Variants in DPYD observed in about 807,000 individuals in gnomAD.
DPYD encodes dihydropyrimidine dehydrogenase [NADP(+)].
In DPYD, 109 loss-of-function variants were observed where a neutral mutation model predicts 116.2. The ratio of observed to expected loss-of-function variants is 0.94; its 90% confidence interval spans 0.80 to 1.10. DPYD has a LOEUF of 1.10. DPYD is among the 50% of genes least tolerant of loss of function. The pLI is 0.00. For synonymous variants in DPYD, 440 were observed against 432.0 expected (o/e 1.02, Z -0.23); for missense variants, 1,302 against 1,254.5 (o/e 1.04, Z -0.57).
At chr1:97,413,090 G>C (rs949839109) in intron 14 of DPYD, among the ~76,000 whole-genome samples, 4 of 152,090 alleles carry the variant, frequency 2.6e-5, no homozygotes, top group Non-Finnish European at 5.9e-5. Flanking sequence ...AGAGTAAATG[G>C]TCCCTGGCCC....
chr1:97,774,975 A>T, intron 3 of DPYD: 1 of 330,698 alleles, frequency 3.0e-6, no homozygotes, highest in Non-Finnish European at 6.4e-6. Flanking sequence ...GCCAAACTGG[A>T]GTAGGGACAA....
intron 2 of DPYD, among the ~76,000 whole-genome samples, chr1:97,835,114 A>C (rs573392597): frequency 6.6e-6 from 1 of 152,208 alleles, no homozygotes; most frequent in South Asian, 2.1e-4. Flanking sequence ...GTCTAGGAGA[A>C]TCTTATATGA....
intron 16 of DPYD, among the ~76,000 whole-genome samples, chr1:97,352,342 T>C (rs1377285195): frequency 6.6e-6 from 1 of 152,234 alleles, no homozygotes; most frequent in South Asian, 2.1e-4. Flanking sequence ...TGAGGCCTGC[T>C]ACCTAATAGT....
intron 5 of DPYD, among the ~76,000 whole-genome samples, chr1:97,706,379 GTA>G (rs953679073): frequency 6.6e-6 from 1 of 151,774 alleles, no homozygotes; most frequent in African/African-American, 2.4e-5. Context: ...CTCCATAGTG[GTA>G]CATTTGAGTA....
chr1:97,164,205 G>T (rs1403997209), intron 20 of DPYD, among the ~76,000 whole-genome samples: 1 of 152,042 alleles, frequency 6.6e-6, no homozygotes, highest in Non-Finnish European at 1.5e-5. Flanking sequence ...ATGCAGAAAA[G>T]GTCTTTGATA....
chr1:97,285,832 T>C (rs948962423), intron 18 of DPYD, among the ~76,000 whole-genome samples: 2 of 152,092 alleles, frequency 1.3e-5, no homozygotes, highest in Non-Finnish European at 2.9e-5. Flanking sequence ...TATGTCTTCA[T>C]ATATTTTAGT....
intron 8 of DPYD, among the ~76,000 whole-genome samples, chr1:97,645,832 A>T (rs1483615534): frequency 2.0e-5 from 3 of 152,108 alleles, no homozygotes; most frequent in African/African-American, 7.2e-5. Flanking sequence ...AGTCTCCAAA[A>T]AACAATCTTT....
At chr1:97,571,506 T>G (rs1459664583) in intron 11 of DPYD, among the ~76,000 whole-genome samples, 9 of 151,882 alleles carry the variant, frequency 5.9e-5, no homozygotes. Flanking sequence ...GCATTTGGCA[T>G]GCAGTTCACT....
chr1:97,796,953 TTCTA>T (rs1323920471), intron 3 of DPYD: 1 of 152,102 alleles, frequency 6.6e-6, no homozygotes, highest in Non-Finnish European at 1.5e-5. Flanking sequence ...AGGGAAAAGC[TTCTA>T]TCTAAATACA....
At chr1:97,583,107 T>A (rs966010423) in intron 10 of DPYD, among the ~76,000 whole-genome samples, 1 of 152,072 alleles carries the variant, frequency 6.6e-6, no homozygotes, top group Non-Finnish European at 1.5e-5. Context: ...TAGCTGGGAC[T>A]ACAGGCGCCC....
intron 8 of DPYD, among the ~76,000 whole-genome samples, chr1:97,602,788 A>G (rs1410786113): frequency 1.3e-5 from 2 of 151,814 alleles, no homozygotes; most frequent in East Asian, 1.9e-4. Context: ...CCTTTGGACA[A>G]AAAAAAGAAG....
At chr1:97,787,847 T>C (rs764467005) in intron 3 of DPYD, among the ~76,000 whole-genome samples, 1 of 152,140 alleles carries the variant, frequency 6.6e-6, no homozygotes, top group Non-Finnish European at 1.5e-5. Flanking sequence ...AACTTCAACA[T>C]AAAGATCACT....
intron 3 of DPYD, among the ~76,000 whole-genome samples, chr1:97,785,956 G>C (rs575772081): frequency 4.6e-5 from 7 of 151,138 alleles, no homozygotes; most frequent in Admixed American, 2.0e-4. Flanking sequence ...GCCTCCCAAA[G>C]TGCTGGGATT....
chr1:97,593,356 C>G lies in DPYD; in HGVS notation c.990G>C (p.Ser330=). The part of the protein sequence containing the change: ...GMCACHSPLP[S]IRGVVIVLGA... ...CAAGTACAATCACGACTCCCCGTAT[C>G]GATGGCAATGGAGAGTGACAGGCGC... Residue 330 remains serine (S), a synonymous_variant, in exon 10 of 23, where the codon TCG becomes TCC. Transcript: ENST00000370192. 1 of 1,614,118 alleles carries G rather than the reference C, an allele frequency of 6.2e-7. No homozygotes were observed. Among genetic ancestry groups the G allele is most frequent in the Non-Finnish European group, 8.5e-7 (1 of 1,180,008 alleles).
chr1:97,600,470 A>G (rs1236390003), intron 8 of DPYD, among the ~76,000 whole-genome samples: 1 of 152,188 alleles, frequency 6.6e-6, no homozygotes, highest in East Asian at 1.9e-4. Flanking sequence ...ATTAAATCTT[A>G]TAAAATATCT....
Position 97,454,984 on chromosome 1 carries a change from G to C in DPYD, c.1741-4761C>G, listed in dbSNP as rs560416380. Among the ~76,000 whole-genome samples the C allele has an allele frequency of 4.6e-5, 7 of 151,952 alleles. No homozygotes were observed. The East Asian group carries it at 1.3e-3, about 29-fold the overall frequency. On this transcript the variant is annotated intron_variant, in intron 13 of 22. Transcript: ENST00000370192. ...ACATCTTGTTGAATGAAAAGGGCAA[G>C]TTCTAGAAAAATATATAGAATATGA...
intron 19 of DPYD, among the ~76,000 whole-genome samples, chr1:97,210,947 A>G (rs567687476): frequency 4.6e-5 from 7 of 152,294 alleles, no homozygotes; most frequent in Non-Finnish European, 1.0e-4. Context: ...AGCTTCTTGC[A>G]ACTGGAATCA....
At position 97,713,674 on chromosome 1, in the gene DPYD, G is replaced by C. The variant is rs138404750; in HGVS notation, c.483+7836C>G. ...ATCTTCAAAGATGTTACTTGTATTT[G>C]CATTCCAGACAGACACATTTTACCA... On this transcript the variant is annotated intron_variant, in intron 5 of 22. Transcript: ENST00000370192. Among the ~76,000 whole-genome samples the C allele has an allele frequency of 2.6e-5, 4 of 152,072 alleles. No homozygotes were observed. In the East Asian group the frequency reaches 7.7e-4, roughly 29 times the overall value.
At chr1:97,318,376 A>T (rs1385103901) in intron 16 of DPYD, among the ~76,000 whole-genome samples, 3 of 137,706 alleles carry the variant, frequency 2.2e-5, no homozygotes, top group Non-Finnish European at 3.3e-5. Flanking sequence ...AAATAAAAGG[A>T]TGGAGGAAGA....
Sources: gnomAD v4.1 joint callset for allele counts (sites outside exome capture counted in the v4.1 genomes callset) on GRCh38, gnomAD v4.1.1 for gene constraint, MANE v1.5 for transcripts, NCBI Gene and HGNC (gene_info 2026-07-23, HGNC 2026-07-21) for gene names.